The following HSPG2 variants were observed in gnomAD, a reference collection of about 807,000 sequenced individuals.
HSPG2 encodes the protein heparan sulfate proteoglycan 2, also known as basement membrane-specific heparan sulfate proteoglycan core protein.
HSPG2 carries 278 observed loss-of-function variants against 526.6 expected under a neutral mutation model. That is an observed-to-expected ratio of 0.53 (90% confidence interval 0.48 to 0.58). The LOEUF is 0.58. Among genes scored for constraint, HSPG2 ranks in the 20% least tolerant of loss-of-function variants. HSPG2 has a pLI of 0.00. For missense variants in HSPG2, 5,354 were observed against 6,099.5 expected (o/e 0.88, Z 4.07); for synonymous variants, 2,465 against 2,555.4 (o/e 0.96, Z 1.07).
In HSPG2 at chr1:21,857,303, G is replaced by C. The variant is rs1353673794; in HGVS notation, c.5376C>G (p.Ile1792Met). 6.2e-7 allele frequency: 1 copy of C among 1,614,128 alleles called. No individual in the cohort carries two copies. Among genetic ancestry groups the C allele is most frequent in the Non-Finnish European group, 8.5e-7 (1 of 1,180,024 alleles). ...SVRPGADVTF[I>M]CTAKSKSPAY... ...TGCACACCTTGCTTTTGGCTGTGCA[G>C]ATGAAGGTGACGTCAGCTCCGGGGC... Residue 1792 changes from isoleucine to methionine, a missense_variant, in exon 43 of 97, where the codon ATC becomes ATG. Transcript: ENST00000374695.
At chr1:21,873,276 C>G (rs572017794) in intron 30 of HSPG2, 99 bp downstream of exon 30, 9 of 1,405,446 alleles carry the variant, frequency 6.4e-6, no homozygotes, top group Non-Finnish European at 9.1e-6. Flanking sequence ...GAAACAGGCT[C>G]GGACAGGCAA....
At position 21,885,012 on chromosome 1, in the gene HSPG2, C is replaced by T; in HGVS notation, c.1355+1G>A. On this transcript the variant is annotated splice_donor_variant, in intron 11 of 96. Transcript: ENST00000374695. LOFTEE classifies it high-confidence loss of function. ...CCCACCACCTGGGCCCAGAGCCGCA[C>T]CTGGGATGAGAGGGGATGTGGCCCC... is the stretch of plus-strand genomic sequence containing the variant. 6.2e-7 allele frequency: 1 copy of T among 1,613,892 alleles called. No individual in the cohort carries two copies. The highest frequency in any genetic ancestry group is 8.5e-7 in the Non-Finnish European group (1 of 1,180,024).
At chr1:21,830,775 G>A (rs1408929866) in intron 85 of HSPG2, 2 of 596,316 alleles carry the variant, frequency 3.4e-6, no homozygotes, top group Non-Finnish European at 6.0e-6. Flanking sequence ...GGTCAGCAGG[G>A]CTGGAGGAGG....
chr1:21,872,838 C>A lies in HSPG2; in HGVS notation c.3889-78G>T. The A allele has an allele frequency of 6.4e-7, 1 of 1,564,270 alleles. No individual in the cohort carries two copies. On this transcript the variant is annotated intron_variant, in intron 31 of 96. Transcript: ENST00000374695. This position sits in a 1 kb window ranked among gnomAD's most constrained non-coding sequence, Gnocchi z 5.5. The stretch of plus-strand genomic sequence containing the variant: ...CCCCCAGCAGCCTGAGGCCAGCCTC[C>A]CTGGCCACTTCCAGCAGCCCCGGGC...
chr1:21,913,073 G>A (rs1249083537), intron 1 of HSPG2, among the ~76,000 whole-genome samples: 4 of 152,026 alleles, frequency 2.6e-5, no homozygotes, highest in East Asian at 3.9e-4. Context: ...CCAGCAACTC[G>A]ATTGGCAGAG....
rs563262018 is a variant in HSPG2, at chr1:21,828,158, G to A, written c.12410-6C>T. 2.5e-6 allele frequency: 4 copies of A among 1,612,952 alleles called. No individual in the cohort carries two copies. Among genetic ancestry groups the A allele is most frequent in the Non-Finnish European group, 2.5e-6 (3 of 1,179,896 alleles). On this transcript the variant is annotated splice_polypyrimidine_tract_variant and splice_region_variant and intron_variant, in intron 89 of 96. Coordinates refer to ENST00000374695, the MANE Select transcript of HSPG2 (RefSeq NM_005529.7). The surrounding 1 kb of genome is among the most constrained non-coding windows in gnomAD (Gnocchi z 6.0). ...CTCGTGCTCACACAGGTCTCCTGTG[G>A]GCCAGGGCAGAGGCGAGTGGGTGGG... is the stretch of plus-strand genomic sequence containing the variant.
chr1:21,850,277 G>A, intron 56 of HSPG2, 85 bp from the exon 57 acceptor site: 4 of 1,610,154 alleles, frequency 2.5e-6, no homozygotes, highest in Non-Finnish European at 1.7e-6. Context: ...TGCAGTCTGC[G>A]GCTTGGCCTC....
intron 9 of HSPG2, among the ~76,000 whole-genome samples, chr1:21,886,988 C>T (rs1641942341): frequency 1.3e-5 from 2 of 152,216 alleles, no homozygotes. Context: ...TCACCAAAGG[C>T]CAGCTCAGGG....
chr1:21,830,237 C>T, intron 85 of HSPG2, 146 bp from the exon 86 acceptor site: 1 of 686,014 alleles, frequency 1.5e-6, no homozygotes, highest in African/African-American at 1.8e-5. Flanking sequence ...GAGGAGGGAA[C>T]TGAGCAGAGC....
At chr1:21,881,292 C>T in intron 14 of HSPG2, 47 bp downstream of exon 14, 4 of 1,604,166 alleles carry the variant, frequency 2.5e-6, no homozygotes, top group African/African-American at 1.3e-5. Flanking sequence ...GGAGCAGAGC[C>T]CACAGGAATT....
chr1:21,835,983 CAAAAAAAA>C (rs71569851), intron 75 of HSPG2, among the ~76,000 whole-genome samples: 2 of 75,804 alleles, frequency 2.6e-5, no homozygotes, highest in Admixed American at 1.6e-4. Flanking sequence ...GATTCCATCT[CAAAAAAAA>C]AAAAAAAAAA....
chr1:21,897,910 C>T (rs538461100), intron 1 of HSPG2, among the ~76,000 whole-genome samples: 2 of 152,234 alleles, frequency 1.3e-5, no homozygotes, highest in South Asian at 4.2e-4. Context: ...CTCTCTTTGT[C>T]CCGACTCCTT....
intron 33 of HSPG2, among the ~76,000 whole-genome samples, chr1:21,870,543 C>G (rs751342500): frequency 6.6e-6 from 1 of 152,184 alleles, no homozygotes; most frequent in African/African-American, 2.4e-5. Context: ...CCAGGGGAAC[C>G]CGGGGGGCTA....
Position 21,872,800 on chromosome 1 carries a change from TG to T in HSPG2, c.3889-41del. The stretch of plus-strand genomic sequence containing the variant: ...GGAAGGAGGCAGGCAGGGGACTCAG[TG>T]GGTCTCCTGCACCCCCAGCAGCCTG... On this transcript the variant is annotated intron_variant, in intron 31 of 96. Transcript: ENST00000374695. The surrounding 1 kb of genome is among the most constrained non-coding windows in gnomAD (Gnocchi z 5.5). The T allele has an allele frequency of 6.3e-7, 1 of 1,598,338 alleles. No homozygotes were observed. The highest frequency in any genetic ancestry group is 1.3e-5 in the African/African-American group (1 of 74,852).
At chr1:21,888,208 G>T in intron 6 of HSPG2, 142 bp from the exon 7 acceptor site, 1 of 1,062,312 alleles carries the variant, frequency 9.4e-7, no homozygotes, top group Non-Finnish European at 1.4e-6. Flanking sequence ...AGGGCAAGCA[G>T]CACACACTAG....
At chr1:21,902,530 C>T (rs1300589158) in intron 1 of HSPG2, among the ~76,000 whole-genome samples, 1 of 152,232 alleles carries the variant, frequency 6.6e-6, no homozygotes. Flanking sequence ...CAGTTACCTG[C>T]TCCAGGTCAC....
chr1:21,839,223 G>C lies in HSPG2; in HGVS notation c.9890-138C>G. 2 of 1,429,490 alleles carry C rather than the reference G, an allele frequency of 1.4e-6. No individual in the cohort carries two copies. The highest frequency in any genetic ancestry group is 2.4e-5 in the South Asian group (2 of 82,036). 88.6% of individuals were successfully genotyped at this position (1,429,490 alleles called of 1,614,324 possible). On this transcript the variant is annotated intron_variant, in intron 73 of 96. Transcript: ENST00000374695. The surrounding 1 kb of genome is among the most constrained non-coding windows in gnomAD (Gnocchi z 4.5). ...TAAGGAAAGCAAAGGTCCCAGGCCA[G>C]GGTGTGGGTGTCGGGCAGGGCAGGC...
chr1:21,904,111 G>T lies in HSPG2; in HGVS notation c.64-7801C>A, dbSNP rs1023078142. Among the ~76,000 whole-genome samples the T allele has an allele frequency of 1.3e-5, 2 of 152,196 alleles. No homozygotes were observed. The highest frequency in any genetic ancestry group is 2.9e-5 in the Non-Finnish European group (2 of 68,034). On this transcript the variant is annotated intron_variant, in intron 1 of 96. Transcript: ENST00000374695. This position sits in a 1 kb window ranked among gnomAD's most constrained non-coding sequence, Gnocchi z 4.4. ...GACACAGAACTCCATGTTCCTGGGG[G>T]ACACAGGCCACGGAACCACGTGCTG...
In HSPG2 at chr1:21,865,217, A is replaced by C; in HGVS notation, c.4395+68T>G. On this transcript the variant is annotated intron_variant, in intron 35 of 96. Transcript: ENST00000374695. This position sits in a 1 kb window ranked among gnomAD's most constrained non-coding sequence, Gnocchi z 5.4. Reference sequence around the variant, plus strand: ...GGAGCGAGAGACAGGGTGGGTATCAAAGCCAGGCTCTGAGTCAGGGTGGAG... The same window carrying C: ...GGAGCGAGAGACAGGGTGGGTATCACAGCCAGGCTCTGAGTCAGGGTGGAG... 6.4e-7 allele frequency: 1 copy of C among 1,555,240 alleles called. No homozygotes were observed. The highest frequency in any genetic ancestry group is 8.9e-7 in the Non-Finnish European group (1 of 1,126,428).
Sources: gnomAD v4.1 joint callset for allele counts (sites outside exome capture counted in the v4.1 genomes callset) on GRCh38, gnomAD v4.1.1 for gene constraint, Gnocchi (gnomAD v3.1) non-coding constraint, MANE v1.5 for transcripts, NCBI Gene and HGNC (gene_info 2026-07-23, HGNC 2026-07-21) for gene names.